RAD17: variants seen among roughly 807,000 people sequenced by gnomAD.
RAD17 encodes the protein RAD17 checkpoint clamp loader component, also known as cell cycle checkpoint protein RAD17.
In RAD17, 31 loss-of-function variants were observed where a neutral mutation model predicts 81.5. The observed-to-expected ratio is 0.38, with a 90% CI of 0.29 to 0.51. The LOEUF (loss-of-function observed/expected upper bound fraction) is 0.51. Among genes scored for constraint, RAD17 ranks in the 20% least tolerant of loss-of-function variants. The pLI is 0.88. For missense variants in RAD17, 681 were observed against 781.2 expected, an observed-to-expected ratio of 0.87 and a Z score of 1.53; for synonymous variants, 261 against 266.2, an observed-to-expected ratio of 0.98 and a Z score of 0.19.
At chr5:69,374,761 C>T in intron 6 of RAD17, 50 bp downstream of exon 6, 1 of 1,401,942 alleles carries the variant, frequency 7.1e-7, no homozygotes, top group Non-Finnish European at 1.0e-6. Context: ...ATTTTTCTGA[C>T]TTACAGTGTG....
Position 69,394,837 on chromosome 5 carries a change from G to C in RAD17, c.1422+1337G>C, listed in dbSNP as rs796919124. ...GCACTTAAGGAGGCCGAGGCAGGTG[G>C]ATCACTTGAGCTCATGAGTATGAGA... On this transcript the variant is annotated intron_variant, in intron 15 of 18. Coordinates refer to ENST00000354868, the MANE Select transcript of RAD17 (RefSeq NM_133338.3). 2.6e-5 allele frequency among the ~76,000 whole-genome samples: 4 copies of C among 152,322 alleles called. 1 individual carries two copies. The highest frequency in any genetic ancestry group is 9.6e-5 in the African/African-American group (4 of 41,570).
At chr5:69,413,441 A>G (rs1038025397) in intron 18 of RAD17, among the ~76,000 whole-genome samples, 7 of 151,840 alleles carry the variant, frequency 4.6e-5, no homozygotes, top group African/African-American at 1.7e-4. Context: ...AGTCTCAATG[A>G]AAAAAAAGAA....
chr5:69,374,159 G>A, intron 5 of RAD17, 72 bp downstream of exon 5: 5 of 1,280,746 alleles, frequency 3.9e-6, no homozygotes, highest in Non-Finnish European at 4.3e-6. Context: ...GGAAGCAGAG[G>A]GATTTACATT....
intron 17 of RAD17, among the ~76,000 whole-genome samples, chr5:69,406,620 G>T (rs1030867979): frequency 4.6e-5 from 7 of 151,942 alleles, no homozygotes; most frequent in Admixed American, 6.6e-5. Flanking sequence ...TCCTACCTCA[G>T]CCTACTGAGT....
At chr5:69,380,059 T>C (rs1216326041) in intron 6 of RAD17, among the ~76,000 whole-genome samples, 1 of 150,158 alleles carries the variant, frequency 6.7e-6, no homozygotes, top group East Asian at 1.9e-4. Context: ...TCTTGTATTT[T>C]TAGTAGAGAT....
intron 11 of RAD17, among the ~76,000 whole-genome samples, chr5:69,388,613 A>G (rs1319946283): frequency 6.6e-6 from 1 of 152,000 alleles, no homozygotes; most frequent in East Asian, 1.9e-4. Flanking sequence ...TTTTATTACT[A>G]TTTTAAGATA....
rs1764661904 is a variant in RAD17 at position 69,393,348 on chromosome 5, T to C, written c.1276-6T>C. ...CAAATTTATGTATATATGCTTCTTT[T>C]TATAGGAGGTAGTAGAAATGTCACA... On this transcript the variant is annotated splice_region_variant and splice_polypyrimidine_tract_variant and intron_variant, in intron 14 of 18. Transcript: ENST00000354868. 6.3e-7 allele frequency: 1 copy of C among 1,587,068 alleles called. No individual in the cohort carries two copies.
intron 18 of RAD17, among the ~76,000 whole-genome samples, chr5:69,411,555 T>C (rs1252639008): frequency 6.6e-6 from 1 of 152,186 alleles, no homozygotes; most frequent in Non-Finnish European, 1.5e-5. Flanking sequence ...TTTCCCCCTC[T>C]TTACCCTCCA....
chr5:69,381,126 T>C (rs1307604375), intron 6 of RAD17, among the ~76,000 whole-genome samples: 2 of 152,120 alleles, frequency 1.3e-5, no homozygotes, highest in East Asian at 3.8e-4. Flanking sequence ...CTGAGGTCTT[T>C]CCATAAGAAT....
chr5:69,377,394 C>T (rs1157186979), intron 6 of RAD17, among the ~76,000 whole-genome samples: 1 of 139,314 alleles, frequency 7.2e-6, no homozygotes, highest in African/African-American at 2.8e-5. Flanking sequence ...TATTATTATT[C>T]TACCAGTTGG....
intron 15 of RAD17, among the ~76,000 whole-genome samples, chr5:69,394,551 TTACCAG>T (rs1237009093): frequency 1.3e-5 from 2 of 151,910 alleles, no homozygotes; most frequent in African/African-American, 2.4e-5. Context: ...AACACTGCCC[TTACCAG>T]TACAACAGCC....
In RAD17 at chr5:69,391,973, G is replaced by C. The variant is rs1171658385; in HGVS notation, c.1149G>C (p.Leu383=). 9.0e-6 allele frequency: 14 copies of C among 1,562,960 alleles called. No homozygotes were observed. Among genetic ancestry groups the C allele is most frequent in the Non-Finnish European group, 7.7e-6 (9 of 1,163,424 alleles). The part of the protein sequence containing the change: ...VQAIGGKDVS[L]FLFRALGKIL... ...CTATTGGTGGCAAAGATGTTTCTCT[G>C]TTTCTCTTCAGAGCTTTGGGGAAAA... The change falls in exon 13 of 19, where the codon CTG becomes CTC. Residue 383 remains leucine, a synonymous_variant. Transcript: ENST00000354868.
At chr5:69,381,429 C>A (rs999389537) in intron 6 of RAD17, among the ~76,000 whole-genome samples, 1 of 151,076 alleles carries the variant, frequency 6.6e-6, no homozygotes, top group African/African-American at 2.4e-5. Context: ...TGCAGTGAGC[C>A]GAGATTATGC....
intron 17 of RAD17, 55 bp downstream of exon 17, chr5:69,400,224 A>ATTTATTTG (rs1213203556): frequency 8.5e-7 from 1 of 1,175,002 alleles, no homozygotes; most frequent in Non-Finnish European, 1.1e-6. Context: ...TTATTTATTT[A>ATTTATTTG]TTTATTTTAT....
At chr5:69,403,245 C>T (rs1403202359) in intron 17 of RAD17, among the ~76,000 whole-genome samples, 1 of 152,162 alleles carries the variant, frequency 6.6e-6, no homozygotes, top group Non-Finnish European at 1.5e-5. Flanking sequence ...TTTTAGTCTC[C>T]CTTGATCTGG....
chr5:69,389,504 T>C (rs1392565257), intron 12 of RAD17, among the ~76,000 whole-genome samples: 1 of 152,212 alleles, frequency 6.6e-6, no homozygotes, highest in Admixed American at 6.5e-5. Flanking sequence ...ACTTACCTCT[T>C]AGGGTTCTAT....
upstream of RAD17, chr5:69,369,755 C>T (rs1471843952): frequency 6.6e-7 from 1 of 1,510,512 alleles, no homozygotes; most frequent in African/African-American, 1.4e-5. Context: ...CTAAGTCACA[C>T]ACTCCTTCGG....
chr5:69,407,233 C>A (rs1341457410), intron 17 of RAD17, among the ~76,000 whole-genome samples: 3 of 152,046 alleles, frequency 2.0e-5, no homozygotes. Context: ...AAACTCCTAA[C>A]CTCAGGTGAT....
intron 16 of RAD17, among the ~76,000 whole-genome samples, chr5:69,398,261 G>A (rs1020607604): frequency 9.9e-5 from 15 of 152,132 alleles, no homozygotes; most frequent in African/African-American, 3.6e-4. Context: ...ACATCATGTT[G>A]TATACCTATA....
Sources: allele counts gnomAD v4.1 joint callset (sites outside exome capture counted in the v4.1 genomes callset), GRCh38; gene constraint gnomAD v4.1.1; transcripts MANE v1.5; gene names NCBI Gene and HGNC (gene_info 2026-07-23, HGNC 2026-07-21).